NCLN: variants seen among roughly 807,000 people sequenced by gnomAD.
The protein encoded by NCLN is nicalin.
NCLN carries 34 observed loss-of-function variants against 69.5 expected under a neutral mutation model. The observed-to-expected ratio is 0.49, with a 90% CI of 0.37 to 0.65. The LOEUF (loss-of-function observed/expected upper bound fraction) is 0.65. Ranked by LOEUF, NCLN falls within the 30% of genes least tolerant of loss-of-function variation. NCLN has a pLI of 0.00. For synonymous variants in NCLN, 393 were observed against 358.3 expected (o/e 1.10, Z -1.09); for missense variants, 710 against 804.8 (o/e 0.88, Z 1.42).
At chr19:3,199,922 G>T (rs1003153017) in intron 5 of NCLN, among the ~76,000 whole-genome samples, 1 of 151,792 alleles carries the variant, frequency 6.6e-6, no homozygotes, top group African/African-American at 2.4e-5. Context: ...GGATGGTCTC[G>T]ATCTCCTGAC....
At chr19:3,206,108 C>T (rs1277355438) in intron 10 of NCLN, 44 bp from the exon 11 acceptor site, 2 of 1,558,728 alleles carry the variant, frequency 1.3e-6, no homozygotes, top group Non-Finnish European at 1.7e-6. Context: ...CCCAGCCCCA[C>T]TGCAGGGGCC....
At chr19:3,196,410 T>C (rs1915956978) in intron 4 of NCLN, 133 bp downstream of exon 4, 1 of 647,162 alleles carries the variant, frequency 1.5e-6, no homozygotes, top group Non-Finnish European at 2.6e-6. Flanking sequence ...CCTGCCTGGC[T>C]GAAAACCTCC....
At chr19:3,200,771 C>T (rs1053112207) in intron 5 of NCLN, among the ~76,000 whole-genome samples, 1 of 152,170 alleles carries the variant, frequency 6.6e-6, no homozygotes, top group Non-Finnish European at 1.5e-5. Context: ...CTCCTGGTCC[C>T]CTCCCCAGCC....
At chr19:3,191,284 C>T (rs748123150) in intron 1 of NCLN, among the ~76,000 whole-genome samples, 6 of 152,078 alleles carry the variant, frequency 3.9e-5, no homozygotes, top group East Asian at 1.9e-4. Context: ...AAGGCAGCGG[C>T]GAAACCAGAA....
chr19:3,189,211 G>A (rs889319177), intron 1 of NCLN, among the ~76,000 whole-genome samples: 18 of 152,324 alleles, frequency 1.2e-4, no homozygotes, highest in African/African-American at 3.8e-4. Flanking sequence ...CTCGGTGGCC[G>A]TTCACAGCAG....
chr19:3,204,539 G>T (rs374922321), intron 8 of NCLN, 34 bp from the exon 9 acceptor site: 2 of 1,501,840 alleles, frequency 1.3e-6, no homozygotes, highest in Non-Finnish European at 1.8e-6. Context: ...CGCCATCCCC[G>T]CCTGCCCTCT....
rs779905685 is a variant in NCLN at position 3,198,821 on chromosome 19, G to A, written c.620G>A (p.Arg207Gln). 44 of 1,578,852 alleles carry A rather than the reference G, an allele frequency of 2.8e-5. No individual in the cohort carries two copies. Among genetic ancestry groups the A allele is most frequent in the Non-Finnish European group, 3.3e-5 (38 of 1,163,908 alleles). The change falls in exon 5 of 15, where the codon CGG becomes CAG. Residue 207 changes from arginine to glutamine, a missense_variant. By Grantham distance (43) the Arg-to-Gln change is conservative. Transcript: ENST00000246117. Reference sequence around the variant, plus strand: ...TCCCCTGCTCTCTATCCACAGGGGCGGCTGACGGGGCTGGGCGGAGAGGAC... The same window carrying A: ...TCCCCTGCTCTCTATCCACAGGGGCAGCTGACGGGGCTGGGCGGAGAGGAC... ...SDWLIASVEG[R>Q]LTGLGGEDLP... is the part of the protein sequence containing the mutation.
At chr19:3,193,583 C>G (rs551095588) in intron 3 of NCLN, among the ~76,000 whole-genome samples, 155 bp downstream of exon 3, 2 of 152,340 alleles carry the variant, frequency 1.3e-5, no homozygotes, top group South Asian at 2.1e-4. Flanking sequence ...CCCGTGTGGA[C>G]CTGCTACATC....
intron 4 of NCLN, among the ~76,000 whole-genome samples, chr19:3,197,155 G>A (rs549611364): frequency 6.6e-6 from 1 of 152,202 alleles, no homozygotes; most frequent in African/African-American, 2.4e-5. Flanking sequence ...TATTCCCAGC[G>A]CCAGTTAGTG....
chr19:3,191,281 C>T (rs1229014499), intron 1 of NCLN, among the ~76,000 whole-genome samples: 3 of 152,214 alleles, frequency 2.0e-5, no homozygotes, highest in African/African-American at 7.2e-5. Context: ...CAAAAGGCAG[C>T]GGCGAAACCA....
intron 12 of NCLN, 97 bp from the exon 13 acceptor site, chr19:3,207,101 G>C: frequency 7.3e-7 from 1 of 1,376,080 alleles, no homozygotes; most frequent in Non-Finnish European, 1.0e-6. Flanking sequence ...TGGGATTGCA[G>C]GTGTGAGCCA....
intron 1 of NCLN, among the ~76,000 whole-genome samples, chr19:3,191,075 C>T (rs1405596776): frequency 2.0e-5 from 3 of 147,768 alleles, no homozygotes; most frequent in East Asian, 4.0e-4. Flanking sequence ...CGGTGTGTGG[C>T]GGGCAGCAGG....
rs903531720 is a variant in NCLN, at chr19:3,206,172, G to A, written c.1317G>A (p.Pro439=). 1.4e-5 allele frequency: 20 copies of A among 1,460,556 alleles called. No individual in the cohort carries two copies. The highest frequency in any genetic ancestry group is 4.3e-5 in the African/African-American group (3 of 69,954). 90.5% of individuals were successfully genotyped at this position (1,460,556 alleles called of 1,614,324 possible). ...CGCAGGGGACACCCCCAGACATGCC[G>A]GTGTTCACAGAGCAGATGGTAAGGG... ...LTEKGTPPDM[P]VFTEQMQIQQ... Residue 439 remains proline, a synonymous_variant, in exon 11 of 15, where the codon CCG becomes CCA. Coordinates refer to ENST00000246117, the MANE Select transcript of NCLN (RefSeq NM_020170.4).
intron 1 of NCLN, among the ~76,000 whole-genome samples, chr19:3,186,543 T>C (rs1223140518): frequency 1.3e-5 from 2 of 152,104 alleles, no homozygotes; most frequent in Non-Finnish European, 2.9e-5. Flanking sequence ...TGGGCCGGCG[T>C]CTGCCTGCCT....
At chr19:3,204,490 G>A in intron 8 of NCLN, 83 bp from the exon 9 acceptor site, 1 of 1,395,302 alleles carries the variant, frequency 7.2e-7, no homozygotes, top group East Asian at 2.6e-5. Context: ...GGGGGTTCTG[G>A]GAGGCCCCTG....
intron 5 of NCLN, among the ~76,000 whole-genome samples, chr19:3,199,350 T>G (rs1009392398): frequency 6.6e-6 from 1 of 152,242 alleles, no homozygotes; most frequent in African/African-American, 2.4e-5. Flanking sequence ...CACGCCTCAT[T>G]GTCAGCAGTG....
rs746567665 is a variant in NCLN, at chr19:3,203,839, A to G, written c.884A>G (p.His295Arg). Residue 295 changes from histidine to arginine, a missense_variant, in exon 7 of 15, where the codon CAC (histidine) becomes CGC (arginine). Physicochemically the swap from His to Arg is conservative, Grantham distance 29 (BLOSUM62 0). Transcript: ENST00000246117. Reference sequence around the variant, plus strand: ...CGCTGGCTGGAAGACAACCTGGACCACACAGGTGAGCGGCCCCGGGTGGGG... The same window carrying G: ...CGCTGGCTGGAAGACAACCTGGACCGCACAGGTGAGCGGCCCCGGGTGGGG... ...TKRWLEDNLD[H>R]TDSSLLQDNV... The G allele has an allele frequency of 6.2e-7, 1 of 1,612,654 alleles. No homozygotes were observed.
At chr19:3,196,363 G>T in intron 4 of NCLN, 86 bp downstream of exon 4, 1 of 980,980 alleles carries the variant, frequency 1.0e-6, no homozygotes, top group Non-Finnish European at 1.5e-6. Flanking sequence ...CGTACTAGAG[G>T]GGAGCCGCTG....
At chr19:3,188,573 C>T (rs944036998) in intron 1 of NCLN, among the ~76,000 whole-genome samples, 7 of 152,214 alleles carry the variant, frequency 4.6e-5, no homozygotes, top group Non-Finnish European at 7.3e-5. Context: ...TCTCTTTCCT[C>T]GCTTCTCTGG....
Sources: gnomAD v4.1 joint callset for allele counts (sites outside exome capture counted in the v4.1 genomes callset) on GRCh38, gnomAD v4.1.1 for gene constraint, MANE v1.5 for transcripts, NCBI Gene and HGNC (gene_info 2026-07-23, HGNC 2026-07-21) for gene names.